The following NCALD variants were observed in gnomAD, a reference collection of about 807,000 sequenced individuals.
NCALD encodes neurocalcin delta, also known as neurocalcin-delta.
In NCALD, 10 loss-of-function variants were observed where a neutral mutation model predicts 18.6. The ratio of observed to expected loss-of-function variants is 0.54; its 90% CI spans 0.33 to 0.91. The LOEUF (loss-of-function observed/expected upper bound fraction) is 0.91, where lower values mean the gene tolerates loss of function less well. Ranked by LOEUF, NCALD falls within the 40% of genes least tolerant of loss-of-function variation. The pLI, the probability that NCALD is intolerant of heterozygous loss-of-function variation, is 0.03. For synonymous variants in NCALD, 88 were observed against 87.4 expected (o/e 1.01, Z -0.04); for missense variants, 184 against 247.6 (o/e 0.74, Z 1.72).
intron 4 of NCALD, among the ~76,000 whole-genome samples, chr8:101,827,912 C>T (rs929041944): frequency 1.3e-5 from 2 of 152,198 alleles, no homozygotes; most frequent in Non-Finnish European, 1.5e-5. Flanking sequence ...TCAAAATGGA[C>T]GTGGTTCATT....
At chr8:101,945,939 G>A (rs902010232) in intron 2 of NCALD, among the ~76,000 whole-genome samples, 4 of 152,104 alleles carry the variant, frequency 2.6e-5, no homozygotes, top group Admixed American at 6.6e-5. Flanking sequence ...ATTTAGAAAC[G>A]GGCTCCAGAA....
chr8:102,120,508 G>A (rs1825915055), intron 1 of NCALD, among the ~76,000 whole-genome samples: 1 of 152,098 alleles, frequency 6.6e-6, no homozygotes, highest in South Asian at 2.1e-4. Context: ...ATCCTACAAC[G>A]AGATGGGGCC....
intron 1 of NCALD, among the ~76,000 whole-genome samples, chr8:101,753,059 T>C (rs938136579): frequency 2.0e-5 from 3 of 152,262 alleles, no homozygotes; most frequent in Non-Finnish European, 2.9e-5. Context: ...ACAGGAAAGA[T>C]AGCGGGAGGC....
chr8:101,961,013 A>T (rs1419498989), intron 2 of NCALD, among the ~76,000 whole-genome samples: 1 of 152,114 alleles, frequency 6.6e-6, no homozygotes, highest in South Asian at 2.1e-4. Context: ...ACTCATCACT[A>T]TCTAAAGGAT....
intron 2 of NCALD, among the ~76,000 whole-genome samples, chr8:101,987,708 A>G (rs967706639): frequency 6.6e-6 from 1 of 152,162 alleles, no homozygotes; most frequent in Admixed American, 6.5e-5. Flanking sequence ...CCAGAGTCCA[A>G]GATGTATTAC....
intron 1 of NCALD, among the ~76,000 whole-genome samples, chr8:102,119,916 G>A (rs892581068): frequency 2.0e-4 from 31 of 152,282 alleles, no homozygotes; most frequent in African/African-American, 6.3e-4. Context: ...AGGCAGAGAC[G>A]TCTATGTCAT....
chr8:102,045,370 G>A (rs370596025), intron 1 of NCALD, among the ~76,000 whole-genome samples: 6 of 152,104 alleles, frequency 3.9e-5, no homozygotes, highest in African/African-American at 1.4e-4. Context: ...CTCACAAATA[G>A]ACTAGGAATG....
At chr8:101,713,797 C>A (rs1170727420) in intron 2 of NCALD, among the ~76,000 whole-genome samples, 2 of 152,056 alleles carry the variant, frequency 1.3e-5, no homozygotes, top group South Asian at 4.1e-4. Context: ...TGATAGCCTA[C>A]CAACAAAAAA....
At chr8:102,049,941 T>A (rs1035638643) in intron 1 of NCALD, among the ~76,000 whole-genome samples, 7 of 151,346 alleles carry the variant, frequency 4.6e-5, no homozygotes, top group Non-Finnish European at 1.0e-4. Flanking sequence ...GGCGGGTGGA[T>A]CATGAGGTCA....
intron 1 of NCALD, among the ~76,000 whole-genome samples, chr8:101,749,281 C>A (rs1265296473): frequency 1.3e-5 from 2 of 152,198 alleles, no homozygotes; most frequent in Non-Finnish European, 2.9e-5. Context: ...AATGGCTCTG[C>A]AGAATGGATA....
At chr8:101,738,825 A>G (rs1266354364) in intron 1 of NCALD, among the ~76,000 whole-genome samples, 1 of 151,764 alleles carries the variant, frequency 6.6e-6, no homozygotes, top group Non-Finnish European at 1.5e-5. Flanking sequence ...ATCACGTGAG[A>G]TAATGCAACA....
chr8:102,058,368 T>C (rs1823726311), intron 1 of NCALD, among the ~76,000 whole-genome samples: 1 of 152,156 alleles, frequency 6.6e-6, no homozygotes, highest in Non-Finnish European at 1.5e-5. Context: ...GGTCAGTGAG[T>C]TAGACAGATA....
chr8:101,759,073 C>T (rs1811007714), intron 1 of NCALD, among the ~76,000 whole-genome samples: 1 of 152,152 alleles, frequency 6.6e-6, no homozygotes, highest in African/African-American at 2.4e-5. Flanking sequence ...TCGTGACAAC[C>T]ATCTATAATT....
chr8:101,919,689 A>G (rs1818094660), intron 2 of NCALD, among the ~76,000 whole-genome samples: 1 of 152,098 alleles, frequency 6.6e-6, no homozygotes. Context: ...AGGCAAGCAA[A>G]AGAAAAAAAA....
In NCALD at chr8:101,956,495, G is replaced by C. The variant is rs146446975; in HGVS notation, c.-156-40637C>G. ...CTGCAAACACACACCGAAGGCAAGT[G>C]CTTTGAAATTTTATAGCAATATAGG... is the stretch of plus-strand genomic sequence containing the variant. On this transcript the variant is annotated intron_variant, in intron 2 of 6. Transcript: ENST00000311028. Among the ~76,000 whole-genome samples, 27 of 152,252 alleles carry C rather than the reference G, an allele frequency of 1.8e-4. No homozygotes were observed. The East Asian group carries it at 2.7e-3, about 15-fold the overall frequency.
chr8:101,974,014 A>G (rs572144136), intron 2 of NCALD, among the ~76,000 whole-genome samples: 1 of 152,260 alleles, frequency 6.6e-6, no homozygotes, highest in African/African-American at 2.4e-5. Context: ...CACTTGTTCC[A>G]TTCTTTCATC....
chr8:101,758,227 TA>T (rs1204455568), intron 1 of NCALD, among the ~76,000 whole-genome samples: 2 of 152,166 alleles, frequency 1.3e-5, no homozygotes, highest in Non-Finnish European at 2.9e-5. Context: ...CTGCCTTGCC[TA>T]AAGCACTTGA....
In NCALD at chr8:101,883,875, G is replaced by T. The variant is rs572582203; in HGVS notation, c.-20+3266C>A. Among the ~76,000 whole-genome samples the T allele has an allele frequency of 1.9e-3, 292 of 152,272 alleles. 1 individual carries two copies. Among genetic ancestry groups the T allele is most frequent in the African/African-American group, 6.7e-3 (279 of 41,548 alleles). ...CAGGGATTTTGTCTTGGGTATATTG[G>T]CTGGGTGAGTAAATGAATATCTTCT... On this transcript the variant is annotated intron_variant, in intron 4 of 6. Transcript: ENST00000311028.
chr8:101,741,238 C>G (rs1381710161), intron 1 of NCALD, among the ~76,000 whole-genome samples: 1 of 152,198 alleles, frequency 6.6e-6, no homozygotes, highest in Non-Finnish European at 1.5e-5. Flanking sequence ...TGTGCTAACT[C>G]CATTAAAAGA....
Sources: allele counts gnomAD v4.1 joint callset (sites outside exome capture counted in the v4.1 genomes callset), GRCh38; gene constraint gnomAD v4.1.1; transcripts MANE v1.5; gene names NCBI Gene and HGNC (gene_info 2026-07-23, HGNC 2026-07-21).